SNX29: variants seen among roughly 807,000 people sequenced by gnomAD.
The protein encoded by SNX29 is sorting nexin-29.
In SNX29, 78 loss-of-function variants were observed where a neutral mutation model predicts 102.1. The observed-to-expected ratio is 0.76, with a 90% CI of 0.64 to 0.92. SNX29 has a LOEUF of 0.92. Among genes scored for constraint, SNX29 ranks in the 40% least tolerant of loss-of-function variants. The probability of loss-of-function intolerance (pLI) is 0.00; values close to 1 mark genes in which losing one functional copy is unlikely to be tolerated. For missense variants in SNX29, 1,280 were observed against 1,061.7 expected (o/e 1.21, Z -2.86); for synonymous variants, 580 against 414.5 (o/e 1.40, Z -4.85).
chr16:12,549,757 G>C (rs765852259), intron 20 of SNX29, among the ~76,000 whole-genome samples: 3 of 152,236 alleles, frequency 2.0e-5, no homozygotes, highest in Non-Finnish European at 4.4e-5. Flanking sequence ...TTTGAGACCT[G>C]TTGGTGATTA....
chr16:12,332,848 C>A (rs2151219877), intron 15 of SNX29, among the ~76,000 whole-genome samples: 1 of 152,252 alleles, frequency 6.6e-6, no homozygotes, highest in African/African-American at 2.4e-5. Context: ...TGTTGCCCGC[C>A]TGCTTCGTCA....
intron 20 of SNX29, among the ~76,000 whole-genome samples, chr16:12,539,168 CTG>C (rs1266441156): frequency 6.6e-6 from 1 of 152,166 alleles, no homozygotes; most frequent in East Asian, 1.9e-4. Flanking sequence ...TTGTTCATGT[CTG>C]TGAATTTAAA....
At chr16:12,289,036 A>C (rs1314273709) in intron 15 of SNX29, among the ~76,000 whole-genome samples, 1 of 152,242 alleles carries the variant, frequency 6.6e-6, no homozygotes, top group East Asian at 1.9e-4. Context: ...TGCAGTGACA[A>C]ACATGCTGGC....
At chr16:12,050,811 A>G (rs976336816) in intron 7 of SNX29, among the ~76,000 whole-genome samples, 10 of 151,990 alleles carry the variant, frequency 6.6e-5, no homozygotes, top group African/African-American at 2.4e-4. Flanking sequence ...TCCCGTGTTC[A>G]AGAAATTCTC....
chr16:12,474,098 A>G (rs2087482243), intron 18 of SNX29, among the ~76,000 whole-genome samples: 1 of 152,130 alleles, frequency 6.6e-6, no homozygotes, highest in Non-Finnish European at 1.5e-5. Context: ...TGTGATAGAA[A>G]GTGTTAGAGG....
intron 20 of SNX29, among the ~76,000 whole-genome samples, chr16:12,558,002 C>T (rs994816250): frequency 6.6e-6 from 1 of 152,130 alleles, no homozygotes; most frequent in African/African-American, 2.4e-5. Flanking sequence ...GTTGGTTGGG[C>T]TGGGTGCTGC....
chr16:12,116,532 G>A (rs1226324851), intron 11 of SNX29, among the ~76,000 whole-genome samples: 3 of 152,122 alleles, frequency 2.0e-5, no homozygotes, highest in South Asian at 2.1e-4. Context: ...AAATTAGCCG[G>A]GTGTGGTGGC....
At chr16:12,497,320 C>T (rs1472046855) in intron 19 of SNX29, among the ~76,000 whole-genome samples, 6 of 152,212 alleles carry the variant, frequency 3.9e-5, no homozygotes, top group Non-Finnish European at 8.8e-5. Context: ...CACCAAGTCT[C>T]GTGGCCTTGG....
At chr16:12,555,311 C>G (rs1031167112) in intron 20 of SNX29, among the ~76,000 whole-genome samples, 1 of 151,634 alleles carries the variant, frequency 6.6e-6, no homozygotes, top group Non-Finnish European at 1.5e-5. Context: ...CAATCCCTCT[C>G]ATAGCCCCAG....
rs147576832 is a variant in SNX29, at chr16:12,112,966, G to A, written c.1403-13667G>A. Among the ~76,000 whole-genome samples, 167 of 152,298 alleles carry A rather than the reference G, an allele frequency of 1.1e-3. 2 individuals are homozygous for A. The highest frequency in any genetic ancestry group is 3.9e-3 in the African/African-American group (162 of 41,554). Reference sequence around the variant, plus strand: ...TGGAAGGAGGCCTGATGGAAACCACGCTGCCTGGGACAGCGTGGTGGACTC... The same window carrying A: ...TGGAAGGAGGCCTGATGGAAACCACACTGCCTGGGACAGCGTGGTGGACTC... On this transcript the variant is annotated intron_variant, in intron 11 of 20. Transcript: ENST00000566228.
chr16:12,303,514 A>G (rs752949303), intron 15 of SNX29, among the ~76,000 whole-genome samples: 2 of 152,254 alleles, frequency 1.3e-5, no homozygotes, highest in Non-Finnish European at 2.9e-5. Flanking sequence ...AGAATATGAG[A>G]AAAGTGTAGA....
chr16:12,286,783 G>A (rs1021926397), intron 15 of SNX29, among the ~76,000 whole-genome samples: 13 of 152,008 alleles, frequency 8.6e-5, no homozygotes, highest in South Asian at 2.1e-4. Flanking sequence ...TCTGTATCCC[G>A]TCCCACCCAT....
Position 12,573,821 on chromosome 16 carries a change from G to A in SNX29, c.*5192G>A, listed in dbSNP as rs923768445. ...AAGGGGATGGGGGTAGAGCTAATTG[G>A]AATTTTTATTATCCAGGACTCATCC... On this transcript the variant is annotated 3_prime_UTR_variant, in exon 21 of 21. Coordinates refer to ENST00000566228, the MANE Select transcript of SNX29 (RefSeq NM_032167.5). The A allele has an allele frequency of 4.6e-6, 1 of 217,150 alleles. No homozygotes were observed. Among genetic ancestry groups the A allele is most frequent in the South Asian group, 1.9e-4 (1 of 5,376 alleles). 13.5% of individuals were successfully genotyped at this position (217,150 alleles called of 1,614,324 possible).
At chr16:12,034,414 A>G (rs1397057857) in intron 4 of SNX29, among the ~76,000 whole-genome samples, 2 of 152,180 alleles carry the variant, frequency 1.3e-5, no homozygotes, top group Admixed American at 6.5e-5. Context: ...AGGTGCAGAG[A>G]AAATGCAGAG....
At chr16:12,564,797 G>A (rs565872207) in intron 20 of SNX29, among the ~76,000 whole-genome samples, 1 of 151,882 alleles carries the variant, frequency 6.6e-6, no homozygotes, top group Non-Finnish European at 1.5e-5. Flanking sequence ...AAGAAATGGT[G>A]TTGTCATTCC....
chr16:12,269,477 G>A (rs567372751), intron 14 of SNX29, among the ~76,000 whole-genome samples: 1 of 152,246 alleles, frequency 6.6e-6, no homozygotes, highest in East Asian at 1.9e-4. Context: ...AATAAGATAG[G>A]TCTTACTGAC....
intron 13 of SNX29, among the ~76,000 whole-genome samples, chr16:12,187,535 G>A (rs1342647097): frequency 6.6e-6 from 1 of 151,068 alleles, no homozygotes; most frequent in Non-Finnish European, 1.5e-5. Flanking sequence ...GTGACAGAGT[G>A]AGACTCTGTT....
rs190601855 is a variant in SNX29, at chr16:12,548,928, T to C, written c.2319-19578T>C. 2.9e-3 allele frequency among the ~76,000 whole-genome samples: 445 copies of C among 152,328 alleles called. 3 individuals carry two copies. The highest frequency in any genetic ancestry group is 9.8e-3 in the African/African-American group (408 of 41,584). ...CGGGCTGTAGGTATTCTTCAGTACC[T>C]GCTATGGCCTGGCATTTAGGGAACT... On this transcript the variant is annotated intron_variant, in intron 20 of 20. Transcript: ENST00000566228.
In SNX29 at chr16:12,571,941, C is replaced by G. The variant is rs1035376740; in HGVS notation, c.*3312C>G. ...AGGCCCTGGTGAAGGAAGACACTTT[C>G]AGGGAAGAGGCTCTTACAGTCTATG... is the stretch of plus-strand genomic sequence containing the variant. On this transcript the variant is annotated 3_prime_UTR_variant, in exon 21 of 21. Transcript: ENST00000566228. 2 of 1,062,100 alleles carry G rather than the reference C, an allele frequency of 1.9e-6. No individual in the cohort carries two copies. Among genetic ancestry groups the G allele is most frequent in the African/African-American group, 1.6e-5 (1 of 60,972 alleles). 65.8% of individuals were successfully genotyped at this position (1,062,100 alleles called of 1,614,324 possible).
Sources: allele counts gnomAD v4.1 joint callset (sites outside exome capture counted in the v4.1 genomes callset), GRCh38; gene constraint gnomAD v4.1.1; transcripts MANE v1.5; gene names NCBI Gene and HGNC (gene_info 2026-07-23, HGNC 2026-07-21).